Variants in CYP51A1 observed in about 807,000 individuals in gnomAD.
CYP51A1 encodes the protein cytochrome P450 family 51 subfamily A member 1, also known as lanosterol 14-alpha demethylase.
A neutral mutation model predicts 53.5 loss-of-function variants in CYP51A1; 45 were observed. The observed-to-expected ratio is 0.84, with a 90% CI of 0.66 to 1.08. The LOEUF (loss-of-function observed/expected upper bound fraction) is 1.08, where lower values mean the gene tolerates loss of function less well. CYP51A1 is among the 50% of genes least tolerant of loss of function. The pLI is 0.00. For synonymous variants in CYP51A1, 181 were observed against 217.7 expected (o/e 0.83, Z 1.48); for missense variants, 462 against 621.7 (o/e 0.74, Z 2.73).
chr7:92,128,354 T>C (rs1004468827), intron 3 of CYP51A1, among the ~76,000 whole-genome samples: 6 of 151,708 alleles, frequency 4.0e-5, no homozygotes, highest in Non-Finnish European at 8.8e-5. Context: ...GCCTTTCTTC[T>C]CATGATTCTT....
intron 2 of CYP51A1, among the ~76,000 whole-genome samples, chr7:92,130,525 T>C (rs1042676171): frequency 1.3e-5 from 2 of 152,190 alleles, no homozygotes; most frequent in Non-Finnish European, 2.9e-5. Context: ...TTGTCATCTA[T>C]AAAACAAATA....
chr7:92,127,561 A>G lies in CYP51A1; in HGVS notation c.539T>C (p.Ile180Thr), dbSNP rs760201793. Residue 180 changes from isoleucine (I) to threonine (T), a missense_variant, in exon 4 of 10, where the codon ATA becomes ACA. By Grantham distance (89) the Ile-to-Thr change is moderately conservative. Transcript: ENST00000003100. ...NIAHFKQHVS[I>T]IEKETKEYFE... ...GTATTCCTTTGTTTCTTTTTCAATT[A>G]TAGAAACATGCTGTTTAAAGTGGGC... 16 of 1,612,366 alleles carry G rather than the reference A, an allele frequency of 9.9e-6. No homozygotes were observed. The highest frequency in any genetic ancestry group is 1.3e-5 in the Non-Finnish European group (15 of 1,179,262).
chr7:92,126,759 CAAT>C (rs1052892953), intron 4 of CYP51A1, among the ~76,000 whole-genome samples: 3 of 152,114 alleles, frequency 2.0e-5, no homozygotes, highest in Non-Finnish European at 2.9e-5. Flanking sequence ...GTGCATATGA[CAAT>C]AATAAGGTAC....
At position 92,123,774 on chromosome 7, in the gene CYP51A1, T is replaced by C. The variant is rs1275243191; in HGVS notation, c.850A>G (p.Ile284Val). ...IQKRRQSQEK[I>V]DDILQTLLDA... is the part of the protein sequence containing the mutation. ...AGTAAAGTTTGGAGAATGTCATCAA[T>C]TTTTTCTTGAGACTGTCTGCGTTTC... Residue 284 changes from isoleucine to valine, a missense_variant, in exon 6 of 10, where the codon ATT becomes GTT. Coordinates refer to ENST00000003100, the MANE Select transcript of CYP51A1 (RefSeq NM_000786.4). 1 of 1,609,548 alleles carries C rather than the reference T, an allele frequency of 6.2e-7. No homozygotes were observed. Among genetic ancestry groups the C allele is most frequent in the South Asian group, 1.1e-5 (1 of 90,586 alleles).
Position 92,120,331 on chromosome 7 carries a change from A to G in CYP51A1, c.1087-1716T>C, listed in dbSNP as rs1047321584. ...GCCTTGAAAAGGACAAAGTCAGAGG[A>G]CTCACACTCCCGAATTCAAAACTTA... On this transcript the variant is annotated intron_variant, in intron 7 of 9. Coordinates refer to ENST00000003100, the MANE Select transcript of CYP51A1 (RefSeq NM_000786.4). Among the ~76,000 whole-genome samples the G allele has an allele frequency of 2.0e-5, 3 of 152,334 alleles. No individual in the cohort carries two copies. In the South Asian group the frequency reaches 6.2e-4, roughly 32 times the overall value.
intron 7 of CYP51A1, among the ~76,000 whole-genome samples, chr7:92,121,153 G>T (rs953177786): frequency 1.3e-5 from 2 of 151,954 alleles, no homozygotes; most frequent in African/African-American, 4.8e-5. Flanking sequence ...AGCCAGGCGT[G>T]GTGGTGTGTA....
intron 2 of CYP51A1, 104 bp downstream of exon 2, chr7:92,131,670 A>G (rs1819922336): frequency 1.7e-5 from 11 of 630,282 alleles, no homozygotes; most frequent in Non-Finnish European, 3.1e-5. Context: ...GGATATGTAT[A>G]TGATTACAAT....
At position 92,122,971 on chromosome 7, in the gene CYP51A1, T is replaced by C. The variant is rs1008385192; in HGVS notation, c.1086+149A>G. The C allele has an allele frequency of 6.6e-6, 4 of 607,700 alleles. No homozygotes were observed. The Admixed American group carries it at 9.6e-5, about 15-fold the overall frequency. The allele number at this position is 607,700 out of a possible 1,614,324, so 37.6% of individuals were successfully genotyped here. The stretch of plus-strand genomic sequence containing the variant: ...AAGAAGCAATAACATTAAGATATTT[T>C]AGGTAAGGTTATAGGGAATTTGCTA... On this transcript the variant is annotated intron_variant, in intron 7 of 9. Coordinates refer to ENST00000003100, the MANE Select transcript of CYP51A1 (RefSeq NM_000786.4).
Position 92,134,413 on chromosome 7 carries a change from A to T in CYP51A1, c.-49T>A, listed in dbSNP as rs369234200. On this transcript the variant is annotated 5_prime_UTR_variant, in exon 1 of 10. It adds an upstream start codon to the 5' untranslated region. Transcript: ENST00000003100. ...GCCGAGGTCGCCACCGCTCCTCCCAATCGACGGAACGAGAGAAGCTGGCAG... is the reference window on the plus strand; with the variant it reads ...GCCGAGGTCGCCACCGCTCCTCCCATTCGACGGAACGAGAGAAGCTGGCAG... 6.7e-7 allele frequency: 1 copy of T among 1,491,976 alleles called. No homozygotes were observed. The highest frequency in any genetic ancestry group is 1.3e-5 in the South Asian group (1 of 76,956). 92.4% of individuals were successfully genotyped at this position (1,491,976 alleles called of 1,614,324 possible). A position where few individuals can be genotyped will look rare whatever the true frequency, so the allele number is the denominator to read the frequency against.
intron 5 of CYP51A1, among the ~76,000 whole-genome samples, chr7:92,125,170 G>C (rs1819775004): frequency 6.8e-6 from 1 of 147,794 alleles, no homozygotes; most frequent in African/African-American, 2.5e-5. Flanking sequence ...AAAAAGAAAT[G>C]CACATTTATG....
chr7:92,119,095 G>C (rs1316750580), intron 7 of CYP51A1, among the ~76,000 whole-genome samples: 1 of 152,172 alleles, frequency 6.6e-6, no homozygotes, highest in African/African-American at 2.4e-5. Context: ...AAAGCCAGAA[G>C]CCTAACAACT....
chr7:92,134,588 C>G (rs1489364007), upstream of CYP51A1: 2 of 532,976 alleles, frequency 3.8e-6, no homozygotes, highest in African/African-American at 3.9e-5. Context: ...AAGCCGTGGT[C>G]TTCTTGCGCG....
chr7:92,127,720 A>T (rs1667691800), intron 3 of CYP51A1, 89 bp from the exon 4 acceptor site: 2 of 1,311,032 alleles, frequency 1.5e-6, no homozygotes, highest in Non-Finnish European at 2.2e-6. Flanking sequence ...ATTATGTAAC[A>T]CTAACACAAG....
At chr7:92,117,485 G>C (rs371983605) in intron 8 of CYP51A1, 1 of 266,134 alleles carries the variant, frequency 3.8e-6, no homozygotes, top group Non-Finnish European at 7.1e-6. Flanking sequence ...GTGAGCCAGC[G>C]TTGGGTTGGA....
chr7:92,128,467 T>C (rs1055789158), intron 3 of CYP51A1, among the ~76,000 whole-genome samples: 12 of 150,444 alleles, frequency 8.0e-5, no homozygotes, highest in East Asian at 4.3e-4. Flanking sequence ...CGCGTGCGTG[T>C]GTGTGTGTGT....
rs1394928113 is a variant in CYP51A1, at chr7:92,112,946, A to G, written c.*719T>C. 1 of 152,162 alleles carries G rather than the reference A, an allele frequency of 6.6e-6. No individual in the cohort carries two copies. The highest frequency in any genetic ancestry group is 1.9e-4 in the East Asian group (1 of 5,200). The allele number at this position is 152,162 out of a possible 1,614,324, so 9.4% of individuals were successfully genotyped here. ...ACCTTGTAGAACTAGATACATATTT[A>G]TCAGGTAAATAAATATGTAATTATT... On this transcript the variant is annotated 3_prime_UTR_variant, in exon 10 of 10. Coordinates refer to ENST00000003100, the MANE Select transcript of CYP51A1 (RefSeq NM_000786.4).
At chr7:92,134,143 C>A (rs774523256) in intron 1 of CYP51A1, 30 bp downstream of exon 1, 37 of 1,604,986 alleles carry the variant, frequency 2.3e-5, no homozygotes, top group Non-Finnish European at 3.1e-5. Flanking sequence ...GCGGCGCGCG[C>A]CCCACTCAGA....
rs771992136 is a variant in CYP51A1 at position 92,131,832 on chromosome 7, C to A, written c.233G>T (p.Gly78Val). 6.3e-7 allele frequency: 1 copy of A among 1,598,150 alleles called. No individual in the cohort carries two copies. Among genetic ancestry groups the A allele is most frequent in the Admixed American group, 1.7e-5 (1 of 59,464 alleles). ...ACTTTTCCCAAATGCTATGGCATGC[C>A]CAAGGAATGGAATTGGGGAGAAAAT... is the stretch of plus-strand genomic sequence containing the variant. ...PYIFSPIPFL[G>V]HAIAFGKSPI... Residue 78 changes from glycine (G) to valine (V), a missense_variant, in exon 2 of 10, where the codon GGG (glycine) becomes GTG (valine). Transcript: ENST00000003100.
At position 92,123,267 on chromosome 7, in the gene CYP51A1, T is replaced by A. The variant is rs1819727615; in HGVS notation, c.939A>T (p.Gly313=). The change falls in exon 7 of 10, where the codon GGA becomes GGT. Residue 313 remains glycine (G), a synonymous_variant. Coordinates refer to ENST00000003100, the MANE Select transcript of CYP51A1 (RefSeq NM_000786.4). ...TDDEVAGMLI[G]LLLAGQHTSS... is the part of the protein sequence containing the mutation. Reference sequence around the variant, plus strand: ...ATGTATGCTGCCCTGCCAAGAGTAATCCAATAAGCATCCCTGCTACTTCAT... The same window carrying A: ...ATGTATGCTGCCCTGCCAAGAGTAAACCAATAAGCATCCCTGCTACTTCAT... The A allele has an allele frequency of 6.2e-7, 1 of 1,613,950 alleles. No homozygotes were observed. The highest frequency in any genetic ancestry group is 1.3e-5 in the African/African-American group (1 of 74,936).
Sources: allele counts gnomAD v4.1 joint callset (sites outside exome capture counted in the v4.1 genomes callset), GRCh38; gene constraint gnomAD v4.1.1; transcripts MANE v1.5; gene names NCBI Gene and HGNC (gene_info 2026-07-23, HGNC 2026-07-21).